The following KIF3B variants were observed in gnomAD, a reference collection of about 807,000 sequenced individuals.
KIF3B encodes kinesin-like protein KIF3B.
Under a neutral mutation model 74.3 loss-of-function variants are expected in KIF3B, and 38 were observed. The ratio of observed to expected loss-of-function variants is 0.51; its 90% CI spans 0.39 to 0.67. The LOEUF is 0.67. KIF3B is among the 30% of genes least tolerant of loss of function. The pLI, the probability that KIF3B is intolerant of heterozygous loss-of-function variation, is 0.00. For missense variants in KIF3B, 649 were observed against 932.0 expected (o/e 0.70, Z 3.95); for synonymous variants, 326 against 342.5 (o/e 0.95, Z 0.53).
intron 5 of KIF3B, among the ~76,000 whole-genome samples, chr20:32,325,466 A>G (rs2047897856): frequency 6.6e-6 from 1 of 152,034 alleles, no homozygotes; most frequent in African/African-American, 2.4e-5. Flanking sequence ...CTGAGATTAC[A>G]GGTGTGAGCC....
At chr20:32,296,115 G>A (rs1053017550) in intron 1 of KIF3B, among the ~76,000 whole-genome samples, 6 of 150,266 alleles carry the variant, frequency 4.0e-5, no homozygotes, top group Admixed American at 6.6e-5. Context: ...CACCCGCCTC[G>A]GCCTCCCAAA....
rs2047829320 is a variant in KIF3B, at chr20:32,316,704, A to G, written c.1630-52A>G. ...GCCTTGAGACTTGGGGAAAGGGAGAACTCTACCCTTTGGACAGACACCCTC... is the reference window on the plus strand; with the variant it reads ...GCCTTGAGACTTGGGGAAAGGGAGAGCTCTACCCTTTGGACAGACACCCTC... On this transcript the variant is annotated intron_variant, in intron 4 of 8. Transcript: ENST00000375712. 8.1e-6 allele frequency: 13 copies of G among 1,613,630 alleles called. No individual in the cohort carries two copies. The South Asian group carries it at 1.4e-4, about 18-fold the overall frequency.
At chr20:32,318,308 A>AC (rs946941839) in intron 5 of KIF3B, among the ~76,000 whole-genome samples, 23 of 151,824 alleles carry the variant, frequency 1.5e-4, no homozygotes, top group Non-Finnish European at 2.8e-4. Context: ...GTCTCAAAAA[A>AC]AAAAAAATTA....
intron 8 of KIF3B, among the ~76,000 whole-genome samples, chr20:32,330,837 G>A (rs2122721962): frequency 6.6e-6 from 1 of 152,340 alleles, no homozygotes; most frequent in South Asian, 2.1e-4. Context: ...CACCCATGTG[G>A]TGCAAAACTA....
intron 5 of KIF3B, among the ~76,000 whole-genome samples, chr20:32,323,080 A>ATATTTATATATTTATATATATT (rs2047881723): frequency 9.2e-6 from 1 of 109,282 alleles, no homozygotes; most frequent in African/African-American, 3.7e-5. Flanking sequence ...TTATATATTT[A>ATATTTATATATTTATATATATT]TATATATTTA....
intron 1 of KIF3B, among the ~76,000 whole-genome samples, chr20:32,296,050 A>G (rs2047715447): frequency 6.6e-6 from 1 of 151,344 alleles, no homozygotes; most frequent in Non-Finnish European, 1.5e-5. Flanking sequence ...CTTGTAGTAG[A>G]GACGGGGTTT....
intron 7 of KIF3B, among the ~76,000 whole-genome samples, chr20:32,328,657 C>T (rs1281080236): frequency 1.3e-5 from 2 of 151,152 alleles, no homozygotes; most frequent in Middle Eastern, 3.5e-3. Flanking sequence ...GTACAAACAT[C>T]CTGTCTGTCA....
intron 2 of KIF3B, among the ~76,000 whole-genome samples, chr20:32,314,153 C>T (rs1449747780): frequency 2.0e-5 from 3 of 152,210 alleles, no homozygotes; most frequent in Non-Finnish European, 2.9e-5. Context: ...GATTCAGCAT[C>T]ATCTTAAGGT....
chr20:32,294,874 C>T (rs2047709490), intron 1 of KIF3B, among the ~76,000 whole-genome samples: 1 of 152,168 alleles, frequency 6.6e-6, no homozygotes, highest in Non-Finnish European at 1.5e-5. Flanking sequence ...CCTTTTTCTT[C>T]ACTCAGCAAT....
rs147045515 is a variant in KIF3B, at chr20:32,285,359, G to C, written c.-66+7594G>C. 6.9e-4 allele frequency among the ~76,000 whole-genome samples: 105 copies of C among 152,274 alleles called. No individual in the cohort carries two copies. The Middle Eastern group carries it at 0.017, about 25-fold the overall frequency. ...GATTCTGGTGATAAATATCTACACT[G>C]GGTGAGAAGATAGTGGATAAAGTCC... On this transcript the variant is annotated intron_variant, in intron 1 of 8. Transcript: ENST00000375712.
At chr20:32,299,404 T>TATATATTTTTTTA (rs1555895045) in intron 1 of KIF3B, among the ~76,000 whole-genome samples, 1 of 31,342 alleles carries the variant, frequency 3.2e-5, no homozygotes, top group African/African-American at 1.8e-4. Context: ...TATATATATA[T>TATATATTTTTTTA]TTTTTTTTTT....
chr20:32,303,901 G>A (rs1293051596), intron 1 of KIF3B, among the ~76,000 whole-genome samples: 1 of 151,474 alleles, frequency 6.6e-6, no homozygotes, highest in African/African-American at 2.4e-5. Flanking sequence ...TTATTCTAGT[G>A]ATGTTTAATG....
At chr20:32,312,367 A>G in intron 2 of KIF3B, among the ~76,000 whole-genome samples, 1 of 151,930 alleles carries the variant, frequency 6.6e-6, no homozygotes, top group Non-Finnish European at 1.5e-5. Flanking sequence ...CCCCTCCCAA[A>G]GTGCTGGGAT....
intron 1 of KIF3B, among the ~76,000 whole-genome samples, chr20:32,281,948 G>T (rs1258371589): frequency 6.6e-6 from 1 of 152,154 alleles, no homozygotes; most frequent in Non-Finnish European, 1.5e-5. Flanking sequence ...GGAGGTGGGT[G>T]GATGTAGGGG....
chr20:32,287,311 C>G (rs2047671685), intron 1 of KIF3B, among the ~76,000 whole-genome samples: 2 of 148,036 alleles, frequency 1.4e-5, no homozygotes, highest in Non-Finnish European at 3.0e-5. Context: ...CCACCAGGCC[C>G]AATCTATTTT....
At chr20:32,277,921 G>A (rs2047624092) in intron 1 of KIF3B, among the ~76,000 whole-genome samples, 156 bp downstream of exon 1, 1 of 152,350 alleles carries the variant, frequency 6.6e-6, no homozygotes, top group South Asian at 2.1e-4. Context: ...TGGTAGTCCG[G>A]ACGGCCTTGC....
At chr20:32,324,819 A>C (rs887141018) in intron 5 of KIF3B, among the ~76,000 whole-genome samples, 1 of 152,174 alleles carries the variant, frequency 6.6e-6, no homozygotes, top group African/African-American at 2.4e-5. Flanking sequence ...GCCTGAGCTC[A>C]GGAGCTCAAG....
chr20:32,299,732 A>G (rs971585206), intron 1 of KIF3B, among the ~76,000 whole-genome samples: 2 of 151,570 alleles, frequency 1.3e-5, no homozygotes, highest in Non-Finnish European at 2.9e-5. Flanking sequence ...TAATATGAAT[A>G]TATCATATTT....
rs869049527 is a variant in KIF3B at position 32,305,570 on chromosome 20, C to CTTTTT, written c.-65-4124_-65-4120dup. The stretch of plus-strand genomic sequence containing the variant: ...TTATAAAATTTTAACACTCCCCCAC[C>CTTTTT]TTTTTTTTTTTTTTTTTTTTTTTGT... On this transcript the variant is annotated intron_variant, in intron 1 of 8. Coordinates refer to ENST00000375712, the MANE Select transcript of KIF3B (RefSeq NM_004798.4). Among the ~76,000 whole-genome samples the CTTTTT allele has an allele frequency of 2.8e-3, 247 of 86,934 alleles. 1 individual carries two copies. Among genetic ancestry groups the CTTTTT allele is most frequent in the Middle Eastern group, 8.3e-3 (1 of 120 alleles). 57.0% of individuals were successfully genotyped at this position (86,934 alleles called of 152,430 possible).
Sources: allele counts gnomAD v4.1 joint callset (sites outside exome capture counted in the v4.1 genomes callset), GRCh38; gene constraint gnomAD v4.1.1; transcripts MANE v1.5; gene names NCBI Gene and HGNC (gene_info 2026-07-23, HGNC 2026-07-21).